TBX15: variants seen among roughly 807,000 people sequenced by gnomAD.
The protein encoded by TBX15 is T-box transcription factor 15, also known as T-box transcription factor TBX15.
Under a neutral mutation model 53.9 loss-of-function variants are expected in TBX15, and 18 were observed. The observed-to-expected ratio is 0.33, with a 90% CI of 0.23 to 0.49. The LOEUF (loss-of-function observed/expected upper bound fraction) is 0.49. Among genes scored for constraint, TBX15 ranks in the 20% least tolerant of loss-of-function variants. The pLI is 0.98. For synonymous variants in TBX15, 295 were observed against 278.0 expected (o/e 1.06, Z -0.61); for missense variants, 692 against 749.5 (o/e 0.92, Z 0.90).
chr1:118,949,385 C>A (rs1480913795), intron 1 of TBX15, among the ~76,000 whole-genome samples: 2 of 152,334 alleles, frequency 1.3e-5, no homozygotes, highest in Admixed American at 6.5e-5. Context: ...ATAAGGTCAT[C>A]ATGTTAGCAA....
intron 1 of TBX15, among the ~76,000 whole-genome samples, chr1:118,958,224 A>G (rs1204727356): frequency 6.6e-5 from 10 of 152,182 alleles, no homozygotes; most frequent in Admixed American, 1.3e-4. Context: ...TAGTGCCCCT[A>G]TAAGAAGAGG....
chr1:118,907,385 T>C (rs1292750718), intron 6 of TBX15, among the ~76,000 whole-genome samples: 1 of 152,196 alleles, frequency 6.6e-6, no homozygotes, highest in Non-Finnish European at 1.5e-5. Flanking sequence ...AATAATCTCA[T>C]TTTTATGTAT....
chr1:118,927,825 A>C (rs1327282541), intron 2 of TBX15, among the ~76,000 whole-genome samples: 2 of 152,112 alleles, frequency 1.3e-5, no homozygotes, highest in Non-Finnish European at 2.9e-5. Context: ...CATCAAGCTC[A>C]AGCTCTTTTG....
At position 118,884,559 on chromosome 1, in the gene TBX15, A is replaced by T; in HGVS notation, c.*173T>A. 1 of 765,464 alleles carries T rather than the reference A, an allele frequency of 1.3e-6. No homozygotes were observed. Among genetic ancestry groups the T allele is most frequent in the Non-Finnish European group, 2.0e-6 (1 of 489,910 alleles). 47.4% of individuals were successfully genotyped at this position (765,464 alleles called of 1,614,324 possible). On this transcript the variant is annotated 3_prime_UTR_variant, in exon 8 of 8. Coordinates refer to ENST00000369429, the MANE Select transcript of TBX15 (RefSeq NM_001330677.2). ...GATGATTCTATCGCAAGTATCCTTC[A>T]CTGGCTTAAAGGTATCTCTTGTTCT...
Position 118,884,619 on chromosome 1 carries a change from A to AC in TBX15, c.*112_*113insG. 3 of 1,353,706 alleles carry AC rather than the reference A, an allele frequency of 2.2e-6. No individual in the cohort carries two copies. The highest frequency in any genetic ancestry group is 1.3e-5 in the South Asian group (1 of 74,416). The allele number at this position is 1,353,706 out of a possible 1,614,324, so 83.9% of individuals were successfully genotyped here. On this transcript the variant is annotated 3_prime_UTR_variant, in exon 8 of 8. Coordinates refer to ENST00000369429, the MANE Select transcript of TBX15 (RefSeq NM_001330677.2). ...GTCTTCGGCCAGAAAAAAAAAAAAA[A>AC]AAAAAACACGGTTCCTGTTTTTCAA...
At chr1:118,923,736 G>A in intron 4 of TBX15, 133 bp from the exon 5 acceptor site, 1 of 1,065,994 alleles carries the variant, frequency 9.4e-7, no homozygotes, top group South Asian at 1.3e-5. Context: ...CAGAAAACTA[G>A]AAATCAGTAT....
intron 1 of TBX15, among the ~76,000 whole-genome samples, chr1:118,941,795 T>C (rs1459031778): frequency 6.6e-6 from 1 of 152,134 alleles, no homozygotes; most frequent in African/African-American, 2.4e-5. Flanking sequence ...AAATCCACCA[T>C]AGCACACAGC....
intron 1 of TBX15, among the ~76,000 whole-genome samples, chr1:118,978,166 G>A (rs1657501094): frequency 6.6e-6 from 1 of 152,206 alleles, no homozygotes; most frequent in African/African-American, 2.4e-5. Context: ...CAGGACTGTT[G>A]AACACGTGAT....
intron 6 of TBX15, among the ~76,000 whole-genome samples, chr1:118,909,512 G>A (rs1654955848): frequency 6.6e-6 from 1 of 152,210 alleles, no homozygotes; most frequent in Admixed American, 6.5e-5. Flanking sequence ...AAGGGATGGG[G>A]CTGGAAGCCA....
chr1:118,977,850 G>A (rs756549726), intron 1 of TBX15, among the ~76,000 whole-genome samples: 2 of 152,142 alleles, frequency 1.3e-5, no homozygotes, highest in African/African-American at 4.8e-5. Context: ...TCAAGATCTC[G>A]GCTTAAGCAG....
rs182156313 is a variant in TBX15 at position 118,910,893 on chromosome 1, A to G, written c.926+3222T>C. ...TTACTTACATGGGGATAGAAAGTTGATAAAGAAGTCATGGGGAGTAGACTA... is the reference window on the plus strand; with the variant it reads ...TTACTTACATGGGGATAGAAAGTTGGTAAAGAAGTCATGGGGAGTAGACTA... On this transcript the variant is annotated intron_variant, in intron 6 of 7. Transcript: ENST00000369429. 1.9e-3 allele frequency among the ~76,000 whole-genome samples: 291 copies of G among 152,328 alleles called. 4 individuals are homozygous for G. The highest frequency in any genetic ancestry group is 4.4e-4 in the Non-Finnish European group (30 of 68,036).
intron 1 of TBX15, among the ~76,000 whole-genome samples, chr1:118,941,865 C>T (rs780789687): frequency 7.9e-5 from 12 of 152,196 alleles, no homozygotes; most frequent in Non-Finnish European, 1.6e-4. Flanking sequence ...TCTTTCCAAC[C>T]ATCTAACCTT....
chr1:118,908,376 C>CGA (rs1654909463), intron 6 of TBX15, among the ~76,000 whole-genome samples: 1 of 92,080 alleles, frequency 1.1e-5, no homozygotes, highest in Non-Finnish European at 2.4e-5. Context: ...GAGCACAAGA[C>CGA]CAAAAAAAAA....
At chr1:118,983,664 C>A (rs73011322) in intron 1 of TBX15, among the ~76,000 whole-genome samples, 1,827 of 152,336 alleles carry the variant, frequency 0.012, 39 homozygotes, top group African/African-American at 0.041. Context: ...CAGGCCTCAC[C>A]CTTGACTCCT....
chr1:118,982,007 GT>G (rs1270467014), intron 1 of TBX15, among the ~76,000 whole-genome samples: 7 of 152,276 alleles, frequency 4.6e-5, no homozygotes, highest in African/African-American at 1.7e-4. Flanking sequence ...ATCTCAAAAG[GT>G]CAAAACATAA....
chr1:118,906,818 C>A (rs1256230596), intron 6 of TBX15, among the ~76,000 whole-genome samples: 1 of 152,186 alleles, frequency 6.6e-6, no homozygotes, highest in Non-Finnish European at 1.5e-5. Flanking sequence ...CAGCCACATT[C>A]CCAGCAAACA....
chr1:118,940,949 G>T (rs1656158300), intron 1 of TBX15, among the ~76,000 whole-genome samples: 1 of 149,746 alleles, frequency 6.7e-6, no homozygotes, highest in South Asian at 2.1e-4. Flanking sequence ...AGTACCTCTT[G>T]CACCAAAGGT....
At chr1:118,982,304 A>G (rs2101055317) in intron 1 of TBX15, among the ~76,000 whole-genome samples, 1 of 152,376 alleles carries the variant, frequency 6.6e-6, no homozygotes, top group East Asian at 1.9e-4. Context: ...TGTGAGAAAT[A>G]AAGTTCTACC....
intron 1 of TBX15, among the ~76,000 whole-genome samples, chr1:118,947,218 A>C (rs1656375724): frequency 6.6e-6 from 1 of 152,218 alleles, no homozygotes; most frequent in Non-Finnish European, 1.5e-5. Context: ...ATGGCAATGG[A>C]GCCTGCCCAT....
Sources: gnomAD v4.1 joint callset for allele counts (sites outside exome capture counted in the v4.1 genomes callset) on GRCh38, gnomAD v4.1.1 for gene constraint, MANE v1.5 for transcripts, NCBI Gene and HGNC (gene_info 2026-07-23, HGNC 2026-07-21) for gene names.